RANBP2: variants seen among roughly 807,000 people sequenced by gnomAD.
RANBP2 encodes the protein E3 SUMO-protein ligase RanBP2.
RANBP2 carries 57 observed loss-of-function variants against 303.6 expected under a neutral mutation model. That is an observed-to-expected ratio of 0.19 (90% CI 0.15 to 0.23). The LOEUF is 0.23. Among genes scored for constraint, RANBP2 ranks in the 10% least tolerant of loss-of-function variants. RANBP2 has a pLI of 1.00. For synonymous variants in RANBP2, 1,167 were observed against 1,301.5 expected (o/e 0.90, Z 2.23); for missense variants, 3,138 against 3,780.8 (o/e 0.83, Z 4.46).
chr2:109,145,059 CAG>C, the RANBP2 span, among the ~76,000 whole-genome samples: 2 of 152,214 alleles, frequency 1.3e-5, no homozygotes, highest in Non-Finnish European at 2.9e-5. Context: ...AGCTCGTAAG[CAG>C]AGTGTTAAGG....
At chr2:109,188,759 G>T in the RANBP2 span, among the ~76,000 whole-genome samples, 2 of 152,104 alleles carry the variant, frequency 1.3e-5, no homozygotes, top group African/African-American at 4.8e-5. Context: ...AGACACCATC[G>T]CAGAAGCCAA....
the RANBP2 span, among the ~76,000 whole-genome samples, chr2:109,067,086 A>G: frequency 2.2e-5 from 3 of 133,940 alleles, no homozygotes; most frequent in African/African-American, 9.1e-5. Flanking sequence ...AGAAAGAAAG[A>G]AAAAAAAAAA....
the RANBP2 span, among the ~76,000 whole-genome samples, chr2:108,938,519 C>A: frequency 5.3e-5 from 8 of 152,248 alleles, no homozygotes; most frequent in Admixed American, 3.3e-4. Flanking sequence ...AATATCCATG[C>A]AGAAGTTCAG....
the RANBP2 span, among the ~76,000 whole-genome samples, chr2:109,087,987 G>A: frequency 4.6e-5 from 7 of 152,194 alleles, no homozygotes; most frequent in South Asian, 2.1e-4. Flanking sequence ...TTCTTCGGCC[G>A]GGCGCGTTGG....
chr2:109,262,371 T>G, the RANBP2 span, among the ~76,000 whole-genome samples: 1 of 152,188 alleles, frequency 6.6e-6, no homozygotes, highest in South Asian at 2.1e-4. Flanking sequence ...GCAGCCATGC[T>G]GATTGCAGGA....
At chr2:109,736,501 T>C in the RANBP2 span, among the ~76,000 whole-genome samples, 1 of 152,174 alleles carries the variant, frequency 6.6e-6, no homozygotes, top group Non-Finnish European at 1.5e-5. Context: ...TTGTACACAT[T>C]TAGTTAATTT....
chr2:108,892,170 C>A, the RANBP2 span, among the ~76,000 whole-genome samples: 1 of 152,160 alleles, frequency 6.6e-6, no homozygotes, highest in Non-Finnish European at 1.5e-5. Flanking sequence ...TCTGTGGCCA[C>A]AGCCTGGGCT....
At chr2:109,614,301 G>A in the RANBP2 span, 109 of 606,002 alleles carry the variant, frequency 1.8e-4, no homozygotes, top group African/African-American at 1.8e-3. Context: ...GCGGGGCGGG[G>A]GTGCGGGGGG....
the RANBP2 span, among the ~76,000 whole-genome samples, chr2:109,020,874 G>C: frequency 1.3e-5 from 2 of 152,156 alleles, no homozygotes; most frequent in Non-Finnish European, 2.9e-5. Flanking sequence ...GTTTGTGGGG[G>C]GCACAAATTT....
chr2:109,267,501 A>G, the RANBP2 span, among the ~76,000 whole-genome samples: 39 of 152,288 alleles, frequency 2.6e-4, no homozygotes, highest in South Asian at 6.0e-3. Context: ...ACACAGGTGG[A>G]AAGTCTTTGT....
chr2:108,752,565 G>A (rs1250867274), intron 12 of RANBP2, among the ~76,000 whole-genome samples: 1 of 141,504 alleles, frequency 7.1e-6, no homozygotes, highest in Non-Finnish European at 1.5e-5. Context: ...AAGGTCAGGA[G>A]ATCGAGATCA....
At chr2:109,415,045 G>A in the RANBP2 span, among the ~76,000 whole-genome samples, 300 of 152,328 alleles carry the variant, frequency 2.0e-3, 1 homozygote, top group Non-Finnish European at 3.4e-3. Context: ...AGGGGATGGC[G>A]TGGTGGAAGC....
chr2:108,926,274 T>A, the RANBP2 span, among the ~76,000 whole-genome samples: 74 of 152,194 alleles, frequency 4.9e-4, no homozygotes, highest in Non-Finnish European at 9.9e-4. Flanking sequence ...TTGCTACTTT[T>A]TGATCCATAT....
At chr2:109,355,573 C>T in the RANBP2 span, among the ~76,000 whole-genome samples, 1 of 152,214 alleles carries the variant, frequency 6.6e-6, no homozygotes, top group Non-Finnish European at 1.5e-5. Context: ...TGACCTGTGA[C>T]ATAGAGCACA....
the RANBP2 span, among the ~76,000 whole-genome samples, chr2:109,262,030 C>T: frequency 6.6e-6 from 1 of 152,174 alleles, no homozygotes; most frequent in African/African-American, 2.4e-5. Context: ...GAGCAGGAGA[C>T]AGGTCGGTGG....
chr2:109,585,859 A>T, the RANBP2 span: 1 of 1,586,902 alleles, frequency 6.3e-7, no homozygotes, highest in African/African-American at 1.3e-5. Context: ...ATAAAAACAA[A>T]AACAACAGCA....
chr2:109,574,846 G>T, the RANBP2 span: 1 of 1,031,344 alleles, frequency 9.7e-7, no homozygotes, highest in Non-Finnish European at 1.3e-6. Flanking sequence ...GAAGTTTGAG[G>T]TCTATATTTT....
the RANBP2 span, among the ~76,000 whole-genome samples, chr2:109,546,540 C>A: frequency 6.6e-6 from 1 of 151,770 alleles, no homozygotes; most frequent in South Asian, 2.1e-4. Context: ...CCCTACAAAA[C>A]TTCTTAAAGT....
the RANBP2 span, among the ~76,000 whole-genome samples, chr2:109,174,021 T>C: frequency 6.6e-6 from 1 of 152,176 alleles, no homozygotes; most frequent in African/African-American, 2.4e-5. Context: ...CAGTCCTTGA[T>C]TCAGAGAACA....
Sources: gnomAD v4.1 joint callset for allele counts (sites outside exome capture counted in the v4.1 genomes callset) on GRCh38, gnomAD v4.1.1 for gene constraint, MANE v1.5 for transcripts, NCBI Gene and HGNC (gene_info 2026-07-23, HGNC 2026-07-21) for gene names.